The following SPESP1 variants were observed in gnomAD, a reference collection of about 807,000 sequenced individuals.
SPESP1 encodes the protein sperm equatorial segment protein 1.
In SPESP1, 1 loss-of-function variant was observed where a neutral mutation model predicts 3.1. The ratio of observed to expected loss-of-function variants is 0.33; its 90% CI spans 0.12 to 1.54. SPESP1 has a LOEUF of 1.54. SPESP1 is among the 40% of genes most tolerant of loss of function. SPESP1 has a pLI of 0.38. For synonymous variants in SPESP1, 138 were observed against 150.7 expected, an observed-to-expected ratio of 0.92 and a Z score of 0.62; for missense variants, 398 against 410.1, an observed-to-expected ratio of 0.97 and a Z score of 0.26.
At chr15:68,941,319 T>C (rs1188933460) in intron 1 of SPESP1, among the ~76,000 whole-genome samples, 1 of 152,212 alleles carries the variant, frequency 6.6e-6, no homozygotes, top group Non-Finnish European at 1.5e-5. Flanking sequence ...CAAAAGATTT[T>C]ATTATATTCC....
chr15:68,946,001 C>T lies in SPESP1; in HGVS notation c.467C>T (p.Thr156Ile), dbSNP rs752899344. 6.2e-7 allele frequency: 1 copy of T among 1,614,150 alleles called. No homozygotes were observed. Among genetic ancestry groups the T allele is most frequent in the South Asian group, 1.1e-5 (1 of 91,082 alleles). The change falls in exon 2 of 2, where the codon ACT (threonine) becomes ATT (isoleucine). Residue 156 changes from threonine (T) to isoleucine (I), a missense_variant. Coordinates refer to ENST00000310673, the MANE Select transcript of SPESP1 (RefSeq NM_145658.4). ...EPEPEPAAKQ[T>I]EAPRMLPVVT... ...GAGCCGGAGCCAGCTGCAAAACAAA[C>T]TGAGGCACCAAGAATGTTGCCAGTT...
At chr15:68,932,761 T>G (rs962079905) in intron 1 of SPESP1, among the ~76,000 whole-genome samples, 31 of 152,284 alleles carry the variant, frequency 2.0e-4, no homozygotes, top group African/African-American at 7.0e-4. Context: ...TTGTAGGAAA[T>G]GAAAAGACGC....
rs1278078872 is a variant in SPESP1 at position 68,946,595 on chromosome 15, T to C, written c.*8T>C. On this transcript the variant is annotated 3_prime_UTR_variant, in exon 2 of 2. Coordinates refer to ENST00000310673, the MANE Select transcript of SPESP1 (RefSeq NM_145658.4). ...TTATTAAAAGTTTATTAAACAATAA[T>C]ATAAAAATTTTAAACCTACTTGATA... 7.0e-7 allele frequency: 1 copy of C among 1,430,920 alleles called. No individual in the cohort carries two copies. Among genetic ancestry groups the C allele is most frequent in the Non-Finnish European group, 9.1e-7 (1 of 1,095,106 alleles). The allele number at this position is 1,430,920 out of a possible 1,614,324, so 88.6% of individuals were successfully genotyped here.
chr15:68,930,864 G>T, intron 1 of SPESP1, 147 bp downstream of exon 1: 2 of 1,255,588 alleles, frequency 1.6e-6, no homozygotes, highest in Non-Finnish European at 2.2e-6. Flanking sequence ...TCGACGCCGA[G>T]GGGTGTCCCT....
Position 68,945,622 on chromosome 15 carries a change from G to C in SPESP1, c.88G>C (p.Glu30Gln), listed in dbSNP as rs758010802. The C allele has an allele frequency of 2.7e-5, 42 of 1,580,526 alleles. No individual in the cohort carries two copies. Among genetic ancestry groups the C allele is most frequent in the Middle Eastern group, 1.7e-4 (1 of 5,904 alleles). The change falls in exon 2 of 2, where the codon GAG becomes CAG. Residue 30 changes from glutamate to glutamine, a missense_variant. Glu to Gln is a conservative substitution (Grantham distance 29). Coordinates refer to ENST00000310673, the MANE Select transcript of SPESP1 (RefSeq NM_145658.4). ...YPSITVTPDEEQNLNHYIQVL... is the reference protein window; with the variant it reads ...YPSITVTPDEQQNLNHYIQVL... ...AGGCATAACTGTGACACCTGATGAA[G>C]AGCAAAACTTGAATCATTATATACA...
intron 1 of SPESP1, among the ~76,000 whole-genome samples, chr15:68,935,922 A>G (rs1420990017): frequency 3.3e-5 from 5 of 152,244 alleles, no homozygotes; most frequent in Non-Finnish European, 7.3e-5. Flanking sequence ...TTTAACCTTC[A>G]TAAAAGTTCA....
At position 68,943,074 on chromosome 15, in the gene SPESP1, GGT is replaced by G. The variant is rs367666234; in HGVS notation, c.65-2502_65-2501del. 6.9e-3 allele frequency among the ~76,000 whole-genome samples: 1,014 copies of G among 147,218 alleles called. 13 individuals are homozygous for G. Among genetic ancestry groups the G allele is most frequent in the African/African-American group, 0.017 (689 of 40,608 alleles). ...TAATGGTTTACTATATTAAATGATT[GGT>G]GTGTGTGTGTGTGTGTGTGTGTATG... On this transcript the variant is annotated intron_variant, in intron 1 of 1. Coordinates refer to ENST00000310673, the MANE Select transcript of SPESP1 (RefSeq NM_145658.4).
chr15:68,944,611 T>G (rs1158445796), intron 1 of SPESP1, among the ~76,000 whole-genome samples: 5 of 152,058 alleles, frequency 3.3e-5, no homozygotes, highest in Non-Finnish European at 7.4e-5. Flanking sequence ...AAGAGTGAAA[T>G]GCTGATGATT....
Position 68,933,572 on chromosome 15 carries a change from G to T in SPESP1, c.64+2855G>T, listed in dbSNP as rs117214776. 8.0e-4 allele frequency among the ~76,000 whole-genome samples: 120 copies of T among 150,746 alleles called. 3 individuals are homozygous for T. The East Asian group carries it at 0.019, about 24-fold the overall frequency. On this transcript the variant is annotated intron_variant, in intron 1 of 1. Transcript: ENST00000310673. The stretch of plus-strand genomic sequence containing the variant: ...CTTTTTGCTTTAAAAAAAAAAAAAT[G>T]CACAGGCCGGGCACGGTGTCTTACA...
In SPESP1 at chr15:68,945,912, A is replaced by G; in HGVS notation, c.378A>G (p.Pro126=). Residue 126 remains proline, a synonymous_variant, in exon 2 of 2, where the codon CCA becomes CCG. Transcript: ENST00000310673. ...TESTPFWSIK[P]NNVSIVLHAE... The stretch of plus-strand genomic sequence containing the variant: ...GTACCCCATTCTGGTCGATCAAACC[A>G]AACAATGTTTCCATTGTTTTGCATG... 1.2e-6 allele frequency: 2 copies of G among 1,614,166 alleles called. No homozygotes were observed. Among genetic ancestry groups the G allele is most frequent in the Non-Finnish European group, 1.7e-6 (2 of 1,180,036 alleles).
Position 68,945,923 on chromosome 15 carries a change from C to T in SPESP1, c.389C>T (p.Ser130Phe), listed in dbSNP as rs1167946412. The change falls in exon 2 of 2, where the codon TCC (serine) becomes TTC (phenylalanine). Residue 130 changes from serine to phenylalanine, a missense_variant. By Grantham distance (155) the Ser-to-Phe change is radical. Transcript: ENST00000310673. ...TGGTCGATCAAACCAAACAATGTTTCCATTGTTTTGCATGCAGAGGAACCT... is the reference window on the plus strand; with the variant it reads ...TGGTCGATCAAACCAAACAATGTTTTCATTGTTTTGCATGCAGAGGAACCT... ...PFWSIKPNNV[S>F]IVLHAEEPYI... 3.1e-6 allele frequency: 5 copies of T among 1,613,826 alleles called. No homozygotes were observed. The highest frequency in any genetic ancestry group is 4.2e-6 in the Non-Finnish European group (5 of 1,179,910).
Position 68,930,574 on chromosome 15 carries a change from T to G in SPESP1, c.-80T>G. ...GGCAGGACGGTACTCCGCTGACACC[T>G]TCCCTTTCGGCCTTGAGGTTCCCAG... On this transcript the variant is annotated 5_prime_UTR_variant, in exon 1 of 2. Coordinates refer to ENST00000310673, the MANE Select transcript of SPESP1 (RefSeq NM_145658.4). 1 of 1,565,430 alleles carries G rather than the reference T, an allele frequency of 6.4e-7. No individual in the cohort carries two copies. Among genetic ancestry groups the G allele is most frequent in the South Asian group, 1.1e-5 (1 of 89,854 alleles).
intron 1 of SPESP1, among the ~76,000 whole-genome samples, chr15:68,931,893 G>A (rs1222485325): frequency 6.6e-6 from 1 of 152,140 alleles, no homozygotes; most frequent in Non-Finnish European, 1.5e-5. Flanking sequence ...TAAAAAAAGC[G>A]CTATCGTGCA....
chr15:68,943,292 T>C (rs1314134496), intron 1 of SPESP1, among the ~76,000 whole-genome samples: 1 of 152,204 alleles, frequency 6.6e-6, no homozygotes, highest in Non-Finnish European at 1.5e-5. Flanking sequence ...TTTTAAAAAG[T>C]ATTATAAGGA....
Position 68,946,055 on chromosome 15 carries a change from T to G in SPESP1, c.521T>G (p.Val174Gly). 1.2e-6 allele frequency: 2 copies of G among 1,614,188 alleles called. No individual in the cohort carries two copies. The highest frequency in any genetic ancestry group is 1.6e-4 in the Middle Eastern group (1 of 6,062). ...VVTESSTSPYVTSYKSPVTTL... is the reference protein window; with the variant it reads ...VVTESSTSPYGTSYKSPVTTL... ...ACTGAATCATCTACAAGTCCATATG[T>G]TACCTCATACAAGTCACCTGTCACC... is the stretch of plus-strand genomic sequence containing the variant. Residue 174 changes from valine (V) to glycine (G), a missense_variant, in exon 2 of 2, where the codon GTT becomes GGT. Coordinates refer to ENST00000310673, the MANE Select transcript of SPESP1 (RefSeq NM_145658.4).
intron 1 of SPESP1, among the ~76,000 whole-genome samples, chr15:68,945,256 A>T (rs1895929844): frequency 6.6e-6 from 1 of 152,236 alleles, no homozygotes; most frequent in Non-Finnish European, 1.5e-5. Context: ...AGCCTACTCC[A>T]GCACACCACT....
chr15:68,944,878 G>C (rs1895919940), intron 1 of SPESP1, among the ~76,000 whole-genome samples: 1 of 152,118 alleles, frequency 6.6e-6, no homozygotes, highest in Non-Finnish European at 1.5e-5. Flanking sequence ...TTTAAAACTG[G>C]CTTTTCGGAG....
intron 1 of SPESP1, among the ~76,000 whole-genome samples, chr15:68,941,092 A>G (rs1203213777): frequency 6.6e-6 from 1 of 151,996 alleles, no homozygotes; most frequent in African/African-American, 2.4e-5. Context: ...TTAATATCTG[A>G]TAAGGCTAGG....
chr15:68,938,885 G>C (rs1895747883), intron 1 of SPESP1, among the ~76,000 whole-genome samples: 1 of 152,160 alleles, frequency 6.6e-6, no homozygotes. Context: ...CACAGTCAAA[G>C]CTCTGGGTAT....
Sources: gnomAD v4.1 joint callset for allele counts (sites outside exome capture counted in the v4.1 genomes callset) on GRCh38, gnomAD v4.1.1 for gene constraint, MANE v1.5 for transcripts, NCBI Gene and HGNC (gene_info 2026-07-23, HGNC 2026-07-21) for gene names.